Variants in MTCL1 observed in about 807,000 individuals in gnomAD.
The protein encoded by MTCL1 is microtubule cross-linking factor 1.
In MTCL1, 79 loss-of-function variants were observed where a neutral mutation model predicts 141.4. That is an observed-to-expected ratio of 0.56 (90% CI 0.47 to 0.67). MTCL1 has a LOEUF of 0.67. Among genes scored for constraint, MTCL1 ranks in the 30% least tolerant of loss-of-function variants. MTCL1 has a pLI of 0.00. For missense variants in MTCL1, 2,177 were observed against 2,113.9 expected (o/e 1.03, Z -0.59); for synonymous variants, 914 against 875.8 (o/e 1.04, Z -0.77).
At chr18:8,813,697 G>T (rs1262517403) in intron 12 of MTCL1, among the ~76,000 whole-genome samples, 1 of 152,226 alleles carries the variant, frequency 6.6e-6, no homozygotes, top group Non-Finnish European at 1.5e-5. Flanking sequence ...TGAAAGTCAG[G>T]CTGTTTGCTG....
chr18:8,793,913 C>G (rs896023851), intron 8 of MTCL1, among the ~76,000 whole-genome samples: 3 of 152,222 alleles, frequency 2.0e-5, no homozygotes, highest in Non-Finnish European at 2.9e-5. Flanking sequence ...GGAATGTGTG[C>G]TACACATAAG....
At chr18:8,716,709 G>C (rs116330379), upstream of MTCL1, among the ~76,000 whole-genome samples, 1 of 151,862 alleles carries the variant, frequency 6.6e-6, no homozygotes, top group Non-Finnish European at 1.5e-5. Flanking sequence ...ATAGCAGGAC[G>C]AGAATGGACA....
intron 11 of MTCL1, chr18:8,809,780 G>A: frequency 1.5e-6 from 1 of 645,420 alleles, no homozygotes. Context: ...CAACCAGTTG[G>A]GATGGAAAGG....
At chr18:8,765,993 C>T (rs929844231) in intron 4 of MTCL1, among the ~76,000 whole-genome samples, 2 of 152,170 alleles carry the variant, frequency 1.3e-5, no homozygotes, top group Non-Finnish European at 2.9e-5. Context: ...ACAATGCTGC[C>T]ACAAGTCTGA....
chr18:8,712,544 A>G (rs572276722), upstream of MTCL1, among the ~76,000 whole-genome samples: 1 of 152,302 alleles, frequency 6.6e-6, no homozygotes, highest in African/African-American at 2.4e-5. Context: ...TTTCTCTTTC[A>G]GAAGGGTTAA....
intron 15 of MTCL1, among the ~76,000 whole-genome samples, chr18:8,827,593 T>C (rs1226007997): frequency 6.6e-6 from 1 of 152,326 alleles, no homozygotes; most frequent in East Asian, 1.9e-4. Context: ...TGTTACCCCA[T>C]CCTTCTGGGG....
chr18:8,794,152 A>G (rs1325684679), intron 8 of MTCL1, among the ~76,000 whole-genome samples: 2 of 152,244 alleles, frequency 1.3e-5, no homozygotes. Flanking sequence ...TACTTGAAAG[A>G]TAGATTCCTA....
chr18:8,828,728 C>G lies in MTCL1; in HGVS notation c.4723-180C>G, dbSNP rs1482551262. Among the ~76,000 whole-genome samples, 1 of 152,208 alleles carries G rather than the reference C, an allele frequency of 6.6e-6. No homozygotes were observed. On this transcript the variant is annotated intron_variant, in intron 15 of 16. Transcript: ENST00000359865. The surrounding 1 kb of genome is among the most constrained non-coding windows in gnomAD (Gnocchi z 5.2). ...GTGCCTGGCCACTTCCCCACACCTGCCTTGGAGTGAATGTGCTAGATCTGA... is the reference window on the plus strand; with the variant it reads ...GTGCCTGGCCACTTCCCCACACCTGGCTTGGAGTGAATGTGCTAGATCTGA...
At chr18:8,785,127 C>T (rs935237919) in intron 6 of MTCL1, among the ~76,000 whole-genome samples, 2 of 151,918 alleles carry the variant, frequency 1.3e-5, no homozygotes, top group Non-Finnish European at 2.9e-5. Context: ...CTCCCAGACA[C>T]GAGGCTGAGC....
intron 10 of MTCL1, chr18:8,801,954 A>C (rs977357329): frequency 3.9e-5 from 6 of 152,188 alleles, no homozygotes; most frequent in African/African-American, 9.7e-5. Flanking sequence ...TGATATTAAT[A>C]GATTATATTT....
At chr18:8,720,665 C>G (rs932165816) in intron 4 of MTCL1, among the ~76,000 whole-genome samples, 169 bp downstream of exon 3, 1 of 152,100 alleles carries the variant, frequency 6.6e-6, no homozygotes, top group Non-Finnish European at 1.5e-5. Flanking sequence ...GCGTGGTAAA[C>G]AAACAAGCAA....
chr18:8,824,741 G>A (rs142229380), exon 15 of MTCL1: 1 of 1,613,952 alleles, frequency 6.2e-7, no homozygotes, highest in Admixed American at 1.7e-5. Context: ...AGCGTCTAAT[G>A]GACATCTCCC....
At chr18:8,744,755 C>T (rs1288490404) in intron 4 of MTCL1, among the ~76,000 whole-genome samples, 1 of 152,154 alleles carries the variant, frequency 6.6e-6, no homozygotes, top group Non-Finnish European at 1.5e-5. Flanking sequence ...GAGTAACCAC[C>T]ACAGCCCCCT....
chr18:8,774,254 ATG>A lies in MTCL1; in HGVS notation c.358-3559_358-3558del, dbSNP rs138724389. 1.0e-3 allele frequency among the ~76,000 whole-genome samples: 155 copies of A among 150,062 alleles called. No homozygotes were observed. The South Asian group carries it at 0.023, about 22-fold the overall frequency. On this transcript the variant is annotated intron_variant, in intron 4 of 16. Coordinates refer to ENST00000359865, the Ensembl canonical transcript of MTCL1. ...AAACACATACACACACTCTTTTCGAATGTGTGTGTGTGTGTGTGTGTATTTTT... is the reference window on the plus strand; with the variant it reads ...AAACACATACACACACTCTTTTCGAATGTGTGTGTGTGTGTGTGTATTTTT...
chr18:8,737,859 G>A (rs933668805), intron 4 of MTCL1, among the ~76,000 whole-genome samples: 4 of 152,172 alleles, frequency 2.6e-5, no homozygotes, highest in African/African-American at 9.7e-5. Flanking sequence ...GTTGGCCGGT[G>A]GGCTGGCTTT....
At chr18:8,735,157 G>A (rs1429344179) in intron 4 of MTCL1, among the ~76,000 whole-genome samples, 1 of 152,170 alleles carries the variant, frequency 6.6e-6, no homozygotes, top group Non-Finnish European at 1.5e-5. Context: ...AGTTGTAAAG[G>A]ACAATAACTG....
intron 4 of MTCL1, among the ~76,000 whole-genome samples, chr18:8,739,809 G>A (rs948577999): frequency 3.6e-4 from 55 of 152,170 alleles, no homozygotes; most frequent in African/African-American, 1.3e-3. Flanking sequence ...TCGGCTCACT[G>A]CAACCTCTGC....
exon 3 of MTCL1, chr18:8,718,639 G>C: frequency 1.2e-6 from 2 of 1,612,802 alleles, no homozygotes; most frequent in Non-Finnish European, 1.7e-6. Flanking sequence ...GCCTGGAGCA[G>C]GACTTGAAGG....
intron 4 of MTCL1, among the ~76,000 whole-genome samples, chr18:8,754,864 G>C (rs564658815): frequency 2.2e-4 from 34 of 152,280 alleles, no homozygotes; most frequent in Admixed American, 1.8e-3. Flanking sequence ...TTGATGGGAA[G>C]AACATAGCTT....
Sources: allele counts gnomAD v4.1 joint callset (sites outside exome capture counted in the v4.1 genomes callset), GRCh38; gene constraint gnomAD v4.1.1; non-coding constraint Gnocchi (gnomAD v3.1); transcripts MANE v1.5; gene names NCBI Gene and HGNC (gene_info 2026-07-23, HGNC 2026-07-21).